FGD3: variants seen among roughly 807,000 people sequenced by gnomAD.
FGD3 encodes the protein FYVE, RhoGEF and PH domain-containing protein 3.
Under a neutral mutation model 71.8 loss-of-function variants are expected in FGD3, and 45 were observed. The ratio of observed to expected loss-of-function variants is 0.63; its 90% CI spans 0.49 to 0.80. FGD3 has a LOEUF of 0.80. Ranked by LOEUF, FGD3 falls within the 30% of genes least tolerant of loss-of-function variation. The pLI, the probability that FGD3 is intolerant of heterozygous loss-of-function variation, is 0.00. For missense variants in FGD3, 844 were observed against 951.5 expected, an observed-to-expected ratio of 0.89 and a Z score of 1.49; for synonymous variants, 378 against 392.8, an observed-to-expected ratio of 0.96 and a Z score of 0.44.
At chr9:93,033,069 G>T in intron 16 of FGD3, 196 bp downstream of exon 16, 1 of 662,492 alleles carries the variant, frequency 1.5e-6, no homozygotes, top group Non-Finnish European at 2.8e-6. Flanking sequence ...CTGGCTTCTC[G>T]GGACCAGCCA....
At chr9:92,973,804 C>A (rs996263133) in intron 1 of FGD3, among the ~76,000 whole-genome samples, 18 of 152,178 alleles carry the variant, frequency 1.2e-4, no homozygotes, top group African/African-American at 4.3e-4. Context: ...CCTCGAGGAG[C>A]CCCTCTGAGA....
intron 3 of FGD3, among the ~76,000 whole-genome samples, chr9:92,992,085 T>TG (rs1256310686): frequency 1.1e-4 from 16 of 152,244 alleles, no homozygotes; most frequent in African/African-American, 3.6e-4. Context: ...AGTTGGGTCT[T>TG]GGTTTGTTAA....
chr9:92,965,497 G>C (rs917120892), intron 1 of FGD3, among the ~76,000 whole-genome samples: 1 of 152,216 alleles, frequency 6.6e-6, no homozygotes. Context: ...CCCCAGCTGG[G>C]CTGTTACAGG....
intron 3 of FGD3, among the ~76,000 whole-genome samples, chr9:92,981,845 CT>C (rs918083678): frequency 2.7e-5 from 4 of 150,872 alleles, no homozygotes; most frequent in African/African-American, 9.7e-5. Context: ...AGCAGTGATT[CT>C]TTTTTTTTAA....
intron 3 of FGD3, among the ~76,000 whole-genome samples, chr9:92,991,134 A>G (rs1860393486): frequency 6.6e-6 from 1 of 152,088 alleles, no homozygotes; most frequent in South Asian, 2.1e-4. Context: ...GCTGGAGTGC[A>G]GTGGCGCAAT....
At position 93,015,745 on chromosome 9, in the gene FGD3, C is replaced by T; in HGVS notation, c.1191C>T (p.Ser397=). Residue 397 remains serine, a synonymous_variant, in exon 10 of 18, where the codon AGC becomes AGT. Coordinates refer to ENST00000375482, the MANE Select transcript of FGD3 (RefSeq NM_001083536.2). ...PQDRHLFLFN[S]MILYCVPKLR... ...TGCCATCCCTCTTGCAGTTCAACAG[C>T]ATGATCCTTTACTGTGTGCCCAAGC... 6.2e-7 allele frequency: 1 copy of T among 1,614,172 alleles called. No individual in the cohort carries two copies. The highest frequency in any genetic ancestry group is 2.2e-5 in the East Asian group (1 of 44,876).
intron 1 of FGD3, among the ~76,000 whole-genome samples, chr9:92,965,651 A>G (rs1167182719): frequency 6.6e-6 from 1 of 152,248 alleles, no homozygotes. Flanking sequence ...CGTGTTGTAC[A>G]GAGGTTAGAG....
intron 14 of FGD3, among the ~76,000 whole-genome samples, chr9:93,026,248 A>C (rs1331306456): frequency 6.6e-6 from 1 of 152,292 alleles, no homozygotes; most frequent in African/African-American, 2.4e-5. Flanking sequence ...TCGGTCAGAT[A>C]CTGAGGAAGC....
At chr9:92,992,705 C>T (rs950677642) in intron 3 of FGD3, among the ~76,000 whole-genome samples, 2 of 152,032 alleles carry the variant, frequency 1.3e-5, no homozygotes, top group Non-Finnish European at 2.9e-5. Context: ...GTAGCTACTG[C>T]CTGGAGCATT....
At chr9:92,966,848 A>C (rs1859347398) in intron 1 of FGD3, among the ~76,000 whole-genome samples, 1 of 152,278 alleles carries the variant, frequency 6.6e-6, no homozygotes, top group Non-Finnish European at 1.5e-5. Flanking sequence ...ATTTTGGTGC[A>C]AATTCAAAAA....
intron 14 of FGD3, among the ~76,000 whole-genome samples, chr9:93,022,669 G>A (rs773421735): frequency 1.2e-4 from 18 of 152,198 alleles, no homozygotes; most frequent in African/African-American, 1.7e-4. Context: ...TCCATTACCT[G>A]GTTGGAGGTG....
intron 14 of FGD3, among the ~76,000 whole-genome samples, chr9:93,026,229 T>C (rs1587869444): frequency 6.6e-6 from 1 of 152,028 alleles, no homozygotes; most frequent in African/African-American, 2.4e-5. Flanking sequence ...GCTTTGGGGG[T>C]GAAGTCACTC....
At chr9:92,988,177 C>A (rs1036137854) in intron 3 of FGD3, among the ~76,000 whole-genome samples, 1 of 152,116 alleles carries the variant, frequency 6.6e-6, no homozygotes, top group Non-Finnish European at 1.5e-5. Flanking sequence ...CCAACAGGCT[C>A]CCACCTCACA....
At chr9:92,962,151 C>T (rs1478512782) in intron 1 of FGD3, among the ~76,000 whole-genome samples, 2 of 152,216 alleles carry the variant, frequency 1.3e-5, no homozygotes, top group African/African-American at 4.8e-5. Flanking sequence ...CACTTGGCCT[C>T]AGTTCTACTT....
intron 1 of FGD3, among the ~76,000 whole-genome samples, chr9:92,952,550 G>C (rs1401646518): frequency 1.3e-5 from 2 of 151,896 alleles, no homozygotes; most frequent in Non-Finnish European, 2.9e-5. Context: ...AAATCAAACT[G>C]TTTTAAAGCT....
At chr9:92,992,696 T>A (rs1303203010) in intron 3 of FGD3, among the ~76,000 whole-genome samples, 1 of 152,106 alleles carries the variant, frequency 6.6e-6, no homozygotes, top group Non-Finnish European at 1.5e-5. Flanking sequence ...AGAGGTACAG[T>A]AGCTACTGCC....
chr9:93,020,589 G>C, intron 13 of FGD3, 165 bp downstream of exon 13: 2 of 615,246 alleles, frequency 3.3e-6, no homozygotes, highest in South Asian at 1.9e-5. Flanking sequence ...AAAAACTTAA[G>C]ACAAATTAAA....
At chr9:92,973,738 A>G (rs1465305234) in intron 1 of FGD3, among the ~76,000 whole-genome samples, 1 of 152,128 alleles carries the variant, frequency 6.6e-6, no homozygotes, top group Non-Finnish European at 1.5e-5. Context: ...TGGTCCTCAC[A>G]GGTGGTTCTT....
intron 3 of FGD3, among the ~76,000 whole-genome samples, chr9:92,989,344 T>G (rs1002415875): frequency 6.6e-6 from 1 of 152,172 alleles, no homozygotes. Context: ...CCACCGCGCC[T>G]GGCCAACCCC....
Sources: allele counts gnomAD v4.1 joint callset (sites outside exome capture counted in the v4.1 genomes callset), GRCh38; gene constraint gnomAD v4.1.1; transcripts MANE v1.5; gene names NCBI Gene and HGNC (gene_info 2026-07-23, HGNC 2026-07-21).